The following PKIB variants were observed in gnomAD, a reference collection of about 807,000 sequenced individuals.
The protein encoded by PKIB is cAMP-dependent protein kinase inhibitor beta, also known as PKI-beta.
Under a neutral mutation model 4.5 loss-of-function variants are expected in PKIB, and 2 were observed. That is an observed-to-expected ratio of 0.44 (90% confidence interval 0.18 to 1.39). The LOEUF (loss-of-function observed/expected upper bound fraction) is 1.39, where lower values mean the gene tolerates loss of function less well. Ranked by LOEUF, PKIB falls within the 40% of genes most tolerant of loss-of-function variation. PKIB has a pLI of 0.27. For missense variants in PKIB, 94 were observed against 92.6 expected, an observed-to-expected ratio of 1.02 and a Z score of -0.06; for synonymous variants, 38 against 36.0, an observed-to-expected ratio of 1.06 and a Z score of -0.20.
intron 2 of PKIB, among the ~76,000 whole-genome samples, chr6:122,486,867 T>C (rs1422385074): frequency 6.6e-6 from 1 of 152,160 alleles, no homozygotes. Flanking sequence ...GTTATAATAC[T>C]ATGAAGAATT....
intron 2 of PKIB, chr6:122,483,281 A>T (rs1775679603): frequency 6.6e-6 from 1 of 152,222 alleles, no homozygotes; most frequent in Non-Finnish European, 1.5e-5. Flanking sequence ...ACATTAATTT[A>T]TATCAATTTT....
intron 2 of PKIB, among the ~76,000 whole-genome samples, chr6:122,520,140 C>T (rs957688835): frequency 1.3e-5 from 2 of 152,142 alleles, no homozygotes; most frequent in African/African-American, 4.8e-5. Context: ...TTGTTTGGCA[C>T]TGTATCTGTA....
chr6:122,479,363 C>G (rs1198112584), intron 2 of PKIB: 2 of 152,058 alleles, frequency 1.3e-5, no homozygotes, highest in Non-Finnish European at 2.9e-5. Flanking sequence ...TTTTGAGGCA[C>G]TAAGAATCAA....
Position 122,475,658 on chromosome 6 carries a change from C to T in PKIB, c.-336-2193C>T, listed in dbSNP as rs144941827. ...AAAATTAGCTCGGTGTGGTGGCATG[C>T]GTCTGTAGTCCCAGCTACTCAAGAG... On this transcript the variant is annotated intron_variant, in intron 1 of 6. Coordinates refer to the PKIB transcript ENST00000392491. Among the ~76,000 whole-genome samples the T allele has an allele frequency of 2.6e-3, 400 of 151,672 alleles. 3 individuals carry two copies. The highest frequency in any genetic ancestry group is 9.1e-3 in the African/African-American group (376 of 41,466).
chr6:122,669,045 T>C (rs1272260431), intron 2 of PKIB, among the ~76,000 whole-genome samples: 4 of 152,100 alleles, frequency 2.6e-5, no homozygotes, highest in Admixed American at 2.6e-4. Context: ...TGAGACCCCA[T>C]TCCTATTAAA....
intron 3 of PKIB, among the ~76,000 whole-genome samples, chr6:122,714,665 G>A (rs1779406875): frequency 6.6e-6 from 1 of 152,132 alleles, no homozygotes; most frequent in African/African-American, 2.4e-5. Context: ...ACAGACATTG[G>A]GGTTCACTTG....
At chr6:122,636,478 TAAAG>T (rs1355035465) in intron 2 of PKIB, among the ~76,000 whole-genome samples, 3 of 151,930 alleles carry the variant, frequency 2.0e-5, no homozygotes, top group African/African-American at 7.2e-5. Context: ...AATAAACTAT[TAAAG>T]AAATGTACAA....
intron 2 of PKIB, among the ~76,000 whole-genome samples, chr6:122,494,273 A>G (rs1776017182): frequency 6.6e-6 from 1 of 152,212 alleles, no homozygotes; most frequent in South Asian, 2.1e-4. Flanking sequence ...CTAGTTTGGA[A>G]GTTGCTAGCT....
chr6:122,724,392 G>A (rs1217249198), intron 4 of PKIB, among the ~76,000 whole-genome samples: 1 of 152,120 alleles, frequency 6.6e-6, no homozygotes, highest in Non-Finnish European at 1.5e-5. Flanking sequence ...CAACCAGGGT[G>A]GTTGCATAGG....
At chr6:122,715,364 A>G (rs1338326785) in intron 3 of PKIB, among the ~76,000 whole-genome samples, 1 of 152,068 alleles carries the variant, frequency 6.6e-6, no homozygotes, top group African/African-American at 2.4e-5. Context: ...TTGCAGTTAC[A>G]CAGGAAGAGA....
rs34063696 is a variant in PKIB, at chr6:122,700,251, CTTTTTTTTTTTTTTTTTTTTT to C, written c.-8-17533_-8-17513del. On this transcript the variant is annotated intron_variant, in intron 3 of 4. Coordinates refer to ENST00000368452, the MANE Select transcript of PKIB (RefSeq NM_181795.3). ...TTGCTTTTTAAAATTTCTTTTCTTT[CTTTTTTTTTTTTTTTTTTTTT>C]TTAGTGGTGGTCACTGGACATATTT... 4.2e-5 allele frequency among the ~76,000 whole-genome samples: 4 copies of C among 94,330 alleles called. No homozygotes were observed. In the Admixed American group the frequency reaches 4.5e-4, roughly 11 times the overall value. 61.9% of individuals were successfully genotyped at this position (94,330 alleles called of 152,430 possible).
intron 2 of PKIB, among the ~76,000 whole-genome samples, chr6:122,571,219 G>T (rs1194294494): frequency 6.6e-6 from 1 of 152,050 alleles, no homozygotes; most frequent in Non-Finnish European, 1.5e-5. Flanking sequence ...AGAAGCAAAA[G>T]AAATGAACCA....
At chr6:122,708,354 T>C (rs1246968091) in intron 3 of PKIB, among the ~76,000 whole-genome samples, 2 of 152,274 alleles carry the variant, frequency 1.3e-5, no homozygotes, top group East Asian at 3.9e-4. Flanking sequence ...AAGAATGCTT[T>C]TTTAGGCATC....
intron 2 of PKIB, chr6:122,478,339 A>G (rs1775506117): frequency 1.3e-5 from 2 of 152,200 alleles, no homozygotes; most frequent in South Asian, 4.1e-4. Context: ...TCCAGTTTTA[A>G]AAATCATCTC....
At chr6:122,607,600 A>G (rs1315224194), upstream of PKIB, among the ~76,000 whole-genome samples, 2 of 152,210 alleles carry the variant, frequency 1.3e-5, no homozygotes, top group African/African-American at 4.8e-5. Flanking sequence ...CCTCTTAACT[A>G]CTCTGACCTT....
At chr6:122,572,803 C>A (rs970156394) in intron 2 of PKIB, among the ~76,000 whole-genome samples, 1 of 151,948 alleles carries the variant, frequency 6.6e-6, no homozygotes, top group African/African-American at 2.4e-5. Flanking sequence ...ACAACAGATA[C>A]TACAGAAATA....
In PKIB at chr6:122,537,576, C is replaced by T. The variant is rs575449384; in HGVS notation, c.-247-48345C>T. Among the ~76,000 whole-genome samples, 11 of 152,204 alleles carry T rather than the reference C, an allele frequency of 7.2e-5. 1 individual carries two copies. In the South Asian group the frequency reaches 1.7e-3, roughly 23 times the overall value. On this transcript the variant is annotated intron_variant, in intron 2 of 6. Transcript: ENST00000392491. ...GCCACATTTTCTTCATCCAGTCTAT[C>T]GTTGTTGGACATTAGGGTTGGTTCC...
At chr6:122,535,699 G>A (rs1478176989) in intron 2 of PKIB, among the ~76,000 whole-genome samples, 1 of 152,156 alleles carries the variant, frequency 6.6e-6, no homozygotes, top group Non-Finnish European at 1.5e-5. Flanking sequence ...AATTAAACAT[G>A]TTTAAGTTTA....
intron 3 of PKIB, among the ~76,000 whole-genome samples, chr6:122,698,138 C>G (rs1778648236): frequency 6.6e-6 from 1 of 152,146 alleles, no homozygotes; most frequent in Non-Finnish European, 1.5e-5. Flanking sequence ...AGCAACAACT[C>G]TCTACTGAGC....
Sources: allele counts gnomAD v4.1 joint callset (sites outside exome capture counted in the v4.1 genomes callset), GRCh38; gene constraint gnomAD v4.1.1; transcripts MANE v1.5; gene names NCBI Gene and HGNC (gene_info 2026-07-23, HGNC 2026-07-21).